Variants in ELP1 observed in about 807,000 individuals in gnomAD.
ELP1 encodes the protein elongator acetyltransferase complex subunit 1, also known as elongator complex protein 1.
Under a neutral mutation model 183.2 loss-of-function variants are expected in ELP1, and 131 were observed. The ratio of observed to expected loss-of-function variants is 0.72; its 90% CI spans 0.62 to 0.83. ELP1 has a LOEUF of 0.83. ELP1 is among the 40% of genes least tolerant of loss of function. The pLI is 0.00. For synonymous variants in ELP1, 555 were observed against 569.0 expected (o/e 0.98, Z 0.35); for missense variants, 1,550 against 1,594.9 (o/e 0.97, Z 0.48).
chr9:108,911,999 C>A (rs561698837), intron 11 of ELP1, among the ~76,000 whole-genome samples: 2 of 152,208 alleles, frequency 1.3e-5, no homozygotes, highest in African/African-American at 4.8e-5. Flanking sequence ...TACCTAGAGT[C>A]AAAGTTTTCA....
chr9:108,901,713 A>G, intron 16 of ELP1, 32 bp from the exon 17 acceptor site: 1 of 1,604,168 alleles, frequency 6.2e-7, no homozygotes, highest in Non-Finnish European at 8.5e-7. Flanking sequence ...ATCACAAGCA[A>G]TTCTATCTCA....
intron 31 of ELP1, among the ~76,000 whole-genome samples, chr9:108,881,020 T>C (rs1827909918): frequency 6.6e-6 from 1 of 152,192 alleles, no homozygotes; most frequent in Admixed American, 6.5e-5. Context: ...CTGATGTCCT[T>C]CTCCACTTTG....
In ELP1 at chr9:108,931,168, C is replaced by A. The variant is rs150608921; in HGVS notation, c.-22G>T. 113 of 1,611,042 alleles carry A rather than the reference C, an allele frequency of 7.0e-5. No individual in the cohort carries two copies. In the African/African-American group the frequency reaches 1.4e-3, roughly 20 times the overall value. On this transcript the variant is annotated 5_prime_UTR_variant, in exon 2 of 37. Coordinates refer to ENST00000374647, the MANE Select transcript of ELP1 (RefSeq NM_003640.5). ...GCATGATGAAGTGATTCCCACGAGA[C>A]AAGTACAACTATCCCTTGATGAATC...
At chr9:108,903,403 G>A (rs1470750035) in intron 15 of ELP1, among the ~76,000 whole-genome samples, 160 bp downstream of exon 15, 1 of 152,164 alleles carries the variant, frequency 6.6e-6, no homozygotes, top group Non-Finnish European at 1.5e-5. Context: ...GGAAACAGGA[G>A]TAGAATACAC....
intron 18 of ELP1, 34 bp from the exon 19 acceptor site, chr9:108,900,409 T>C (rs765196588): frequency 2.0e-6 from 3 of 1,469,604 alleles, no homozygotes; most frequent in Non-Finnish European, 2.9e-6. Context: ...GCCTTAATTA[T>C]CACAACAAGC....
intron 13 of ELP1, 101 bp from the exon 14 acceptor site, chr9:108,906,586 A>T: frequency 1.1e-6 from 1 of 902,498 alleles, no homozygotes; most frequent in Non-Finnish European, 1.8e-6. Flanking sequence ...TATACAGTCC[A>T]CTCCTAATTA....
At chr9:108,933,395 G>A (rs966574640) in intron 1 of ELP1, among the ~76,000 whole-genome samples, 1 of 152,210 alleles carries the variant, frequency 6.6e-6, no homozygotes, top group Non-Finnish European at 1.5e-5. Context: ...GGGATCTGAA[G>A]ATTACTCAGC....
chr9:108,929,627 T>C, intron 3 of ELP1, 142 bp downstream of exon 3: 1 of 835,192 alleles, frequency 1.2e-6, no homozygotes, highest in Admixed American at 2.3e-5. Flanking sequence ...TTAACAATTT[T>C]TTAAATAAAG....
rs1485545444 is a variant in ELP1, at chr9:108,880,033, C to T, written c.3460+19G>A. The T allele has an allele frequency of 3.3e-6, 5 of 1,507,412 alleles. No individual in the cohort carries two copies. Among genetic ancestry groups the T allele is most frequent in the African/African-American group, 1.4e-5 (1 of 72,858 alleles). 93.4% of individuals were successfully genotyped at this position (1,507,412 alleles called of 1,614,324 possible). ...CCCCACTGCCCCCGCACGTCGATGG[C>T]CTTCACGCAGATACTCACCCAGACC... On this transcript the variant is annotated intron_variant, in intron 32 of 36. Coordinates refer to ENST00000374647, the MANE Select transcript of ELP1 (RefSeq NM_003640.5).
chr9:108,933,495 C>T (rs533423913), intron 1 of ELP1, among the ~76,000 whole-genome samples: 10 of 152,326 alleles, frequency 6.6e-5, no homozygotes, highest in African/African-American at 2.2e-4. Context: ...ACCACCTCCA[C>T]GAAAAAGTCT....
Position 108,895,138 on chromosome 9 carries a change from G to T in ELP1, c.2737-1072C>A, listed in dbSNP as rs762096414. On this transcript the variant is annotated intron_variant, in intron 25 of 36. Transcript: ENST00000374647. Reference sequence around the variant, plus strand: ...GTGGTGCACGCCTGTAAGCTGAGGTGAGATTGCTTGAGCCTAGGAGGCGTA... The same window carrying T: ...GTGGTGCACGCCTGTAAGCTGAGGTTAGATTGCTTGAGCCTAGGAGGCGTA... Among the ~76,000 whole-genome samples the T allele has an allele frequency of 5.9e-5, 9 of 152,256 alleles. No homozygotes were observed. In the South Asian group the frequency reaches 1.5e-3, roughly 25 times the overall value.
chr9:108,928,968 A>C (rs558685415), intron 3 of ELP1, among the ~76,000 whole-genome samples: 56 of 152,356 alleles, frequency 3.7e-4, no homozygotes, highest in Middle Eastern at 3.4e-3. Context: ...CTGTGCCTTA[A>C]CTGCCTCTTC....
chr9:108,902,010 T>A (rs541125938), intron 16 of ELP1, among the ~76,000 whole-genome samples: 1 of 152,340 alleles, frequency 6.6e-6, no homozygotes, highest in East Asian at 1.9e-4. Flanking sequence ...CCAGAATCAC[T>A]GTCCAAACCA....
intron 34 of ELP1, among the ~76,000 whole-genome samples, 161 bp from the exon 35 acceptor site, chr9:108,878,310 C>T (rs759365661): frequency 6.6e-6 from 1 of 152,168 alleles, no homozygotes; most frequent in South Asian, 2.1e-4. Context: ...TAATTAAACA[C>T]ATGTACTACA....
chr9:108,912,601 T>C (rs981667866), intron 10 of ELP1, 107 bp from the exon 11 acceptor site: 7 of 776,500 alleles, frequency 9.0e-6, no homozygotes, highest in Non-Finnish European at 1.6e-5. Context: ...GGACCCTTCC[T>C]GCTCAGCCTC....
At position 108,874,943 on chromosome 9, in the gene ELP1, T is replaced by C. The variant is rs989681376; in HGVS notation, c.3883A>G (p.Ser1295Gly). The change falls in exon 36 of 37, where the codon AGT becomes GGT. Residue 1295 changes from serine to glycine, a missense_variant. Transcript: ENST00000374647. ...TGTTGCTGATAAGATGCCATGATAC[T>C]ATTTGCAGTAGAATTGGGACCTAGA... ...PVLGPNSTAN[S>G]IMASYQQQKT... 2.5e-6 allele frequency: 4 copies of C among 1,612,426 alleles called. No homozygotes were observed. The Admixed American group carries it at 6.7e-5, about 27-fold the overall frequency.
At chr9:108,870,148 G>T (rs952239333) in intron 36 of ELP1, among the ~76,000 whole-genome samples, 1 of 151,930 alleles carries the variant, frequency 6.6e-6, no homozygotes, top group Non-Finnish European at 1.5e-5. Context: ...GCTAATTTCT[G>T]TAGAGACAAG....
chr9:108,890,792 T>C (rs1342090864), intron 28 of ELP1, among the ~76,000 whole-genome samples: 1 of 152,234 alleles, frequency 6.6e-6, no homozygotes, highest in Non-Finnish European at 1.5e-5. Context: ...CTACATGGCG[T>C]GGCCGAGATG....
intron 14 of ELP1, among the ~76,000 whole-genome samples, chr9:108,905,082 T>C (rs746559299): frequency 1.3e-5 from 2 of 152,246 alleles, no homozygotes; most frequent in Non-Finnish European, 2.9e-5. Context: ...AAGTGCTACA[T>C]ATTTCTAGAA....
Sources: gnomAD v4.1 joint callset for allele counts (sites outside exome capture counted in the v4.1 genomes callset) on GRCh38, gnomAD v4.1.1 for gene constraint, MANE v1.5 for transcripts, NCBI Gene and HGNC (gene_info 2026-07-23, HGNC 2026-07-21) for gene names.